Variants in ACSL4 observed in about 807,000 individuals in gnomAD.
ACSL4 encodes acyl-CoA synthetase long chain family member 4.
Under a neutral mutation model 49.1 loss-of-function variants are expected in ACSL4, and 9 were observed. That is an observed-to-expected ratio of 0.18 (90% CI 0.11 to 0.32). The LOEUF (loss-of-function observed/expected upper bound fraction) is 0.32, where lower values mean the gene tolerates loss of function less well. ACSL4 is among the 10% of genes least tolerant of loss of function. The pLI is 1.00. For missense variants in ACSL4, 333 were observed against 493.7 expected, an observed-to-expected ratio of 0.67 and a Z score of 3.08; for synonymous variants, 191 against 170.3, an observed-to-expected ratio of 1.12 and a Z score of -0.95.
rs764711316 is a variant in ACSL4, at chrX:109,672,079, T to TAAA, written c.1002+2320_1002+2322dup. Among the ~76,000 whole-genome samples the TAAA allele has an allele frequency of 6.0e-3, 224 of 37,360 alleles. 8 individuals carry two copies. The highest frequency in any genetic ancestry group is 0.021 in the African/African-American group (191 of 9,047). The allele number at this position is 37,360 out of a possible 115,157, so 32.4% of individuals were successfully genotyped here. ...ACACCCAAGAATGATCAATAAATAC[T>TAAA]AAAAAAAAAAAAAAAAAAAAAAAAA... On this transcript the variant is annotated intron_variant, in intron 9 of 15. Transcript: ENST00000672401.
chrX:109,651,980 AAAAC>A (rs1249104352), intron 15 of ACSL4, among the ~76,000 whole-genome samples: 7 of 111,603 alleles, frequency 6.3e-5, no homozygotes, highest in African/African-American at 1.6e-4. Context: ...AGGAGAAGGA[AAAAC>A]AAACAAAACA....
At position 109,674,482 on chromosome X, in the gene ACSL4, A is replaced by T. The variant is rs371786591; in HGVS notation, c.931-9T>A. ...TTTTTAATTTTGCTGGACTATATTA[A>T]AGAAAAAATAAATATGATCAGGAAA... On this transcript the variant is annotated splice_polypyrimidine_tract_variant and intron_variant, in intron 8 of 15. Transcript: ENST00000672401. 3.0e-5 allele frequency: 35 copies of T among 1,151,804 alleles called. No individual in the cohort carries two copies. In the African/African-American group the frequency reaches 6.2e-4, roughly 21 times the overall value. The allele number at this position is 1,151,804 out of a possible 1,213,427, so 94.9% of individuals were successfully genotyped here.
At chrX:109,704,605 G>A (rs1026284594) in intron 1 of ACSL4, among the ~76,000 whole-genome samples, 5 of 111,733 alleles carry the variant, frequency 4.5e-5, no homozygotes, top group African/African-American at 1.6e-4. Context: ...CTCTAAAAAA[G>A]AAACACTTCT....
rs1341655457 is a variant in ACSL4, at chrX:109,651,393, G to A, written c.1856-7207C>T. ...AAGTTCTTTTCTAGTACTAGTCTAC[G>A]TTTTATGAAAGCTTGATTGAACTAG... On this transcript the variant is annotated intron_variant, in intron 15 of 15. Transcript: ENST00000672401. Among the ~76,000 whole-genome samples the A allele has an allele frequency of 8.0e-5, 9 of 111,956 alleles. No homozygotes were observed. The East Asian group carries it at 8.4e-4, about 10-fold the overall frequency.
intron 9 of ACSL4, among the ~76,000 whole-genome samples, chrX:109,671,678 T>C (rs1603403532): frequency 8.9e-6 from 1 of 112,577 alleles, no homozygotes; most frequent in East Asian, 2.8e-4. Flanking sequence ...AGATTGTTTC[T>C]GTGTCTGTGT....
intron 1 of ACSL4, among the ~76,000 whole-genome samples, chrX:109,716,158 T>C (rs1346206502): frequency 8.9e-6 from 1 of 111,785 alleles, no homozygotes; most frequent in African/African-American, 3.3e-5. Context: ...TTTGTGGAGC[T>C]TACTGTTCAA....
chrX:109,692,094 A>C (rs1232876820), intron 2 of ACSL4: 2 of 111,776 alleles, frequency 1.8e-5, no homozygotes, highest in African/African-American at 3.3e-5. Flanking sequence ...AGCTTTTCCC[A>C]GCAAAGAAAG....
intron 1 of ACSL4, among the ~76,000 whole-genome samples, chrX:109,729,663 TAAATA>T (rs926637134): frequency 4.5e-5 from 5 of 111,462 alleles, no homozygotes; most frequent in African/African-American, 1.6e-4. Context: ...AATAAATAAA[TAAATA>T]AATAAGTAAA....
chrX:109,671,943 G>A (rs765371154), intron 9 of ACSL4, among the ~76,000 whole-genome samples: 1 of 109,518 alleles, frequency 9.1e-6, no homozygotes, highest in Non-Finnish European at 1.9e-5. Flanking sequence ...CACTGCGGAA[G>A]GCGGCAGGGC....
At chrX:109,730,570 T>C (rs1928349214) in intron 1 of ACSL4, among the ~76,000 whole-genome samples, 1 of 111,754 alleles carries the variant, frequency 8.9e-6, no homozygotes, top group East Asian at 2.8e-4. Context: ...ACTCATAGAG[T>C]AGGGTTTGTC....
rs1307495841 is a variant in ACSL4 at position 109,641,658 on chromosome X, T to G, written c.*2371A>C. 8.9e-6 allele frequency: 1 copy of G among 112,333 alleles called. No homozygotes were observed. Among genetic ancestry groups the G allele is most frequent in the African/African-American group, 3.2e-5 (1 of 30,976 alleles). The allele number at this position is 112,333 out of a possible 1,213,427, so 9.3% of individuals were successfully genotyped here. On this transcript the variant is annotated 3_prime_UTR_variant, in exon 16 of 16. Transcript: ENST00000672401. ...TCAAAGAAACATGATTCTCCTTAAC[T>G]GTGACTTTTTGAATCATTTATCTGT...
chrX:109,667,061 C>G (rs774655853), intron 11 of ACSL4, among the ~76,000 whole-genome samples: 34 of 112,751 alleles, frequency 3.0e-4, no homozygotes, highest in African/African-American at 1.1e-3. Flanking sequence ...GACTTCAAAG[C>G]TGATACCTGG....
At chrX:109,689,273 A>G (rs766396238) in intron 2 of ACSL4, among the ~76,000 whole-genome samples, 3 of 112,084 alleles carry the variant, frequency 2.7e-5, no homozygotes, top group Non-Finnish European at 5.6e-5. Context: ...GGTTTAAGCC[A>G]ATATCATCTC....
chrX:109,645,605 A>C (rs976104176), intron 15 of ACSL4, among the ~76,000 whole-genome samples: 2 of 112,354 alleles, frequency 1.8e-5, no homozygotes, highest in Non-Finnish European at 3.8e-5. Flanking sequence ...AACTCTAAAA[A>C]GCAGAGCGCC....
At chrX:109,709,511 G>T (rs1484152834) in intron 1 of ACSL4, among the ~76,000 whole-genome samples, 1 of 112,474 alleles carries the variant, frequency 8.9e-6, no homozygotes, top group African/African-American at 3.2e-5. Flanking sequence ...AATGTTTCGA[G>T]CAGTGGTAAA....
At chrX:109,721,468 A>C (rs1265149601) in intron 1 of ACSL4, among the ~76,000 whole-genome samples, 1 of 112,408 alleles carries the variant, frequency 8.9e-6, no homozygotes, top group Non-Finnish European at 1.9e-5. Context: ...GTGGTGGCTC[A>C]TGCCTATAAT....
chrX:109,679,085 G>A (rs184704275), intron 6 of ACSL4, among the ~76,000 whole-genome samples: 9 of 111,883 alleles, frequency 8.0e-5, no homozygotes, highest in African/African-American at 2.6e-4. Context: ...ATCACGTGCA[G>A]AACTTAAATA....
chrX:109,678,960 C>A lies in ACSL4; in HGVS notation c.656-545G>T, dbSNP rs187817107. Among the ~76,000 whole-genome samples the A allele has an allele frequency of 2.3e-4, 26 of 112,261 alleles. 1 individual carries two copies. The highest frequency in any genetic ancestry group is 4.7e-4 in the Admixed American group (5 of 10,598). The stretch of plus-strand genomic sequence containing the variant: ...CAATGTTGTGGAAAGATTTCTGGGA[C>A]TTTGGAGTATCAGGAGGACAGAGTA... On this transcript the variant is annotated intron_variant, in intron 6 of 15. Coordinates refer to ENST00000672401, the MANE Select transcript of ACSL4 (RefSeq NM_001318510.2).
At chrX:109,713,241 G>A (rs1926884543) in intron 1 of ACSL4, among the ~76,000 whole-genome samples, 1 of 111,817 alleles carries the variant, frequency 8.9e-6, no homozygotes, top group Admixed American at 9.5e-5. Flanking sequence ...GGACCATCAG[G>A]CTCTCTTGCA....
Sources: allele counts gnomAD v4.1 joint callset (sites outside exome capture counted in the v4.1 genomes callset), GRCh38; gene constraint gnomAD v4.1.1; transcripts MANE v1.5; gene names NCBI Gene and HGNC (gene_info 2026-07-23, HGNC 2026-07-21).